The following NAV3 variants were observed in gnomAD, a reference collection of about 807,000 sequenced individuals.
The protein encoded by NAV3 is pore membrane and/or filament interacting like protein 1.
Under a neutral mutation model 244.7 loss-of-function variants are expected in NAV3, and 87 were observed. The observed-to-expected ratio is 0.36, with a 90% CI of 0.30 to 0.42. The LOEUF is 0.42. NAV3 is among the 20% of genes least tolerant of loss of function. The pLI, the probability that NAV3 is intolerant of heterozygous loss-of-function variation, is 1.00. For synonymous variants in NAV3, 1,126 were observed against 1,042.2 expected, an observed-to-expected ratio of 1.08 and a Z score of -1.55; for missense variants, 2,663 against 2,893.3, an observed-to-expected ratio of 0.92 and a Z score of 1.83.
chr12:77,796,800 C>T (rs1351262133), intron 2 of NAV3, among the ~76,000 whole-genome samples: 3 of 151,872 alleles, frequency 2.0e-5, no homozygotes, highest in Non-Finnish European at 4.4e-5. Flanking sequence ...GCTGAAGGCT[C>T]ATATGACTGT....
chr12:77,979,224 CAAAAAAAA>C (rs11297628), intron 5 of NAV3, among the ~76,000 whole-genome samples: 6 of 126,050 alleles, frequency 4.8e-5, no homozygotes, highest in Non-Finnish European at 6.6e-5. Context: ...AAATACAATA[CAAAAAAAA>C]AAAAAAAAAG....
intron 2 of NAV3, among the ~76,000 whole-genome samples, chr12:77,601,238 G>T (rs188662418): frequency 3.9e-5 from 6 of 152,022 alleles, no homozygotes; most frequent in Non-Finnish European, 7.4e-5. Context: ...CATGCCCAGG[G>T]TCATCAGCTG....
chr12:78,022,979 T>C (rs1239050886), intron 9 of NAV3, among the ~76,000 whole-genome samples: 2 of 152,192 alleles, frequency 1.3e-5, no homozygotes, highest in African/African-American at 2.4e-5. Flanking sequence ...ATAGGGCTAA[T>C]AATTGTAGAT....
In NAV3 at chr12:78,199,342, T is replaced by C; in HGVS notation, c.6526T>C (p.Leu2176=). ...LELHHNFRWV[L]CANHTEPVKG... is the part of the protein sequence containing the mutation. ...TTTTTTTTCTTTTTGTAGGTGGGTA[T>C]TATGTGCAAATCATACAGAACCAGT... The change falls in exon 37 of 40, where the codon TTA becomes CTA. Residue 2176 remains leucine, a synonymous_variant. Transcript: ENST00000397909. The C allele has an allele frequency of 6.3e-7, 1 of 1,597,736 alleles. No homozygotes were observed. The highest frequency in any genetic ancestry group is 8.5e-7 in the Non-Finnish European group (1 of 1,174,578).
At chr12:77,901,309 C>A (rs983846257) in intron 1 of NAV3, among the ~76,000 whole-genome samples, 3 of 152,152 alleles carry the variant, frequency 2.0e-5, no homozygotes, top group Non-Finnish European at 2.9e-5. Context: ...AGGCCAATAT[C>A]AAAAACTGTA....
chr12:77,999,824 T>C (rs543760803), intron 7 of NAV3, among the ~76,000 whole-genome samples: 1 of 152,280 alleles, frequency 6.6e-6, no homozygotes, highest in Non-Finnish European at 1.5e-5. Context: ...TTCCTAACTT[T>C]TCTAAAAAAT....
chr12:78,179,308 A>G, intron 28 of NAV3: 1 of 446,064 alleles, frequency 2.2e-6, no homozygotes. Flanking sequence ...TTAAACTTTA[A>G]AAAATAGAAA....
At chr12:78,168,060 A>G (rs1386437998) in intron 23 of NAV3, among the ~76,000 whole-genome samples, 1 of 151,646 alleles carries the variant, frequency 6.6e-6, no homozygotes, top group African/African-American at 2.4e-5. Flanking sequence ...TTTGTTTGTA[A>G]TTTAACTATT....
intron 9 of NAV3, chr12:78,036,468 C>A (rs751571863): frequency 5.9e-6 from 1 of 168,314 alleles, no homozygotes; most frequent in East Asian, 1.6e-4. Flanking sequence ...GACCTCAGCT[C>A]GTGCTTCACC....
chr12:77,958,765 A>G (rs1057237342), intron 3 of NAV3, among the ~76,000 whole-genome samples: 22 of 152,242 alleles, frequency 1.4e-4, no homozygotes, highest in African/African-American at 5.1e-4. Context: ...AAGAGAGAGA[A>G]AGTAGGTGTT....
At chr12:78,112,535 G>T (rs1170472931) in intron 12 of NAV3, among the ~76,000 whole-genome samples, 7 of 152,096 alleles carry the variant, frequency 4.6e-5, no homozygotes, top group Non-Finnish European at 1.0e-4. Flanking sequence ...TAGCAGGAAG[G>T]ATAATGAGTA....
chr12:77,891,297 A>T (rs929931557), intron 1 of NAV3, among the ~76,000 whole-genome samples: 1 of 148,758 alleles, frequency 6.7e-6, no homozygotes, highest in Non-Finnish European at 1.5e-5. Context: ...ATTTAATATA[A>T]ATTTATAAAG....
At chr12:78,057,945 T>G (rs946362591) in intron 11 of NAV3, among the ~76,000 whole-genome samples, 1 of 152,228 alleles carries the variant, frequency 6.6e-6, no homozygotes, top group Non-Finnish European at 1.5e-5. Context: ...CAGCAATCAT[T>G]TGTTATCAGC....
At chr12:78,023,463 A>T (rs1877489688) in intron 9 of NAV3, among the ~76,000 whole-genome samples, 1 of 152,198 alleles carries the variant, frequency 6.6e-6, no homozygotes, top group Non-Finnish European at 1.5e-5. Flanking sequence ...ATCATTTTGC[A>T]GCAATAATCA....
At chr12:78,008,874 C>T (rs1393237020) in intron 8 of NAV3, among the ~76,000 whole-genome samples, 2 of 152,072 alleles carry the variant, frequency 1.3e-5, no homozygotes, top group Non-Finnish European at 2.9e-5. Context: ...TTTGACAAAG[C>T]AGAATTTAAG....
Position 77,662,415 on chromosome 12 carries a change from G to A in NAV3, c.72+90149G>A, listed in dbSNP as rs557218669. ...TAATTACATTCTCAGATTATTCAAA[G>A]TATATAGAAATACAATTCATTTTTG... On this transcript the variant is annotated intron_variant, in intron 2 of 8. Transcript: ENST00000550042. Among the ~76,000 whole-genome samples, 13 of 152,022 alleles carry A rather than the reference G, an allele frequency of 8.6e-5. No individual in the cohort carries two copies. The East Asian group carries it at 2.3e-3, about 27-fold the overall frequency.
chr12:77,822,455 C>G (rs1872784482), intron 2 of NAV3, among the ~76,000 whole-genome samples: 1 of 152,098 alleles, frequency 6.6e-6, no homozygotes, highest in Non-Finnish European at 1.5e-5. Flanking sequence ...GCAGAGTATA[C>G]CTAATACTTC....
At chr12:77,808,777 C>A (rs1872124510) in intron 2 of NAV3, among the ~76,000 whole-genome samples, 1 of 152,150 alleles carries the variant, frequency 6.6e-6, no homozygotes, top group African/African-American at 2.4e-5. Flanking sequence ...GTGCCCATAG[C>A]CCCCGCTTCC....
intron 1 of NAV3, among the ~76,000 whole-genome samples, chr12:77,849,648 T>A (rs1877194412): frequency 6.6e-6 from 1 of 152,168 alleles, no homozygotes; most frequent in Non-Finnish European, 1.5e-5. Context: ...AGATACCTCA[T>A]TATGTATATG....
Sources: allele counts gnomAD v4.1 joint callset (sites outside exome capture counted in the v4.1 genomes callset), GRCh38; gene constraint gnomAD v4.1.1; transcripts MANE v1.5; gene names NCBI Gene and HGNC (gene_info 2026-07-23, HGNC 2026-07-21).